The following ZNF536 variants were observed in gnomAD, a reference collection of about 807,000 sequenced individuals.
ZNF536 encodes the protein zinc finger protein 536.
Under a neutral mutation model 84.5 loss-of-function variants are expected in ZNF536, and 13 were observed. The observed-to-expected ratio is 0.15, with a 90% CI of 0.10 to 0.24. The LOEUF (loss-of-function observed/expected upper bound fraction) is 0.24, where lower values mean the gene tolerates loss of function less well. Among genes scored for constraint, ZNF536 ranks in the 10% least tolerant of loss-of-function variants. ZNF536 has a pLI of 1.00. For missense variants in ZNF536, 1,536 were observed against 1,747.5 expected (o/e 0.88, Z 2.16); for synonymous variants, 811 against 742.5 (o/e 1.09, Z -1.50).
intron 2 of ZNF536, among the ~76,000 whole-genome samples, chr19:30,457,048 A>C (rs1253087068): frequency 2.0e-5 from 3 of 149,862 alleles, no homozygotes; most frequent in African/African-American, 7.6e-5. Context: ...TCTCAAAAAA[A>C]AAAAAAAACA....
At chr19:30,364,163 A>G (rs1438119657) in intron 3 of ZNF536, among the ~76,000 whole-genome samples, 4 of 152,206 alleles carry the variant, frequency 2.6e-5, no homozygotes, top group Non-Finnish European at 5.9e-5. Flanking sequence ...TCACTGGGAT[A>G]TAGCCAAGAA....
At chr19:30,415,135 C>A (rs1353872378) in intron 1 of ZNF536, among the ~76,000 whole-genome samples, 1 of 146,264 alleles carries the variant, frequency 6.8e-6, no homozygotes, top group Non-Finnish European at 1.5e-5. Flanking sequence ...CCTCCTCCTC[C>A]TTTTCCTTCT....
At position 30,353,534 on chromosome 19, in the gene ZNF536, C is replaced by G. The variant is rs182706832; in HGVS notation, c.-3+1050C>G. 1.5e-4 allele frequency among the ~76,000 whole-genome samples: 23 copies of G among 152,280 alleles called. No individual in the cohort carries two copies. The East Asian group carries it at 4.2e-3, about 28-fold the overall frequency. On this transcript the variant is annotated intron_variant, in intron 3 of 5. Transcript: ENST00000585628. ...CCATCAGTGGATGAGCAGCCCCCCC[C>G]TGGCACCGGTGACTTCTCAGAGCAC...
chr19:30,581,909 GGT>G (rs913585301), intron 1 of ZNF536, among the ~76,000 whole-genome samples: 23 of 152,136 alleles, frequency 1.5e-4, no homozygotes, highest in African/African-American at 5.6e-4. Flanking sequence ...ACTCCAGCCT[GGT>G]GACAGAGCCA....
At chr19:30,428,236 G>A (rs1328874592) in intron 1 of ZNF536, among the ~76,000 whole-genome samples, 1 of 152,230 alleles carries the variant, frequency 6.6e-6, no homozygotes, top group Non-Finnish European at 1.5e-5. Context: ...TCAACATGCA[G>A]ATGGTGACAG....
intron 1 of ZNF536, among the ~76,000 whole-genome samples, chr19:30,388,181 G>A (rs1008195215): frequency 2.0e-5 from 3 of 152,182 alleles, no homozygotes; most frequent in South Asian, 2.1e-4. Flanking sequence ...CAGAATGAAC[G>A]GTGGCCTACT....
intron 1 of ZNF536, among the ~76,000 whole-genome samples, chr19:30,678,158 C>T (rs192163817): frequency 2.5e-4 from 38 of 152,294 alleles, no homozygotes; most frequent in African/African-American, 8.9e-4. Context: ...GCAAGAGAAG[C>T]AAGGGGGTGC....
At chr19:30,380,500 A>C (rs893858940) in intron 1 of ZNF536, among the ~76,000 whole-genome samples, 1 of 152,202 alleles carries the variant, frequency 6.6e-6, no homozygotes, top group African/African-American at 2.4e-5. Flanking sequence ...ATCAGTGGCC[A>C]AAAAAGAGGG....
intron 1 of ZNF536, among the ~76,000 whole-genome samples, chr19:30,647,633 C>T (rs1053305705): frequency 3.3e-5 from 5 of 152,204 alleles, no homozygotes; most frequent in African/African-American, 1.2e-4. Flanking sequence ...GTTGTCATCC[C>T]TCCTTCCAAT....
At chr19:30,400,115 C>A (rs2147487800) in intron 1 of ZNF536, among the ~76,000 whole-genome samples, 1 of 152,032 alleles carries the variant, frequency 6.6e-6, no homozygotes, top group South Asian at 2.1e-4. Flanking sequence ...CAATTCATTT[C>A]ACTATTCTCC....
chr19:30,302,078 G>C (rs1195511927), intron 2 of ZNF536, among the ~76,000 whole-genome samples: 2 of 92,830 alleles, frequency 2.2e-5, no homozygotes, highest in Non-Finnish European at 4.0e-5. Context: ...TATAATCACT[G>C]TTTGTATATA....
At chr19:30,447,961 A>G (rs1205923685) in intron 2 of ZNF536, among the ~76,000 whole-genome samples, 1 of 152,168 alleles carries the variant, frequency 6.6e-6, no homozygotes, top group Admixed American at 6.5e-5. Flanking sequence ...TGGCCAAGTG[A>G]TAGCCTCATG....
chr19:30,549,373 G>A lies in ZNF536; in HGVS notation c.3754G>A (p.Glu1252Lys), dbSNP rs1568544477. 1 of 1,599,038 alleles carries A rather than the reference G, an allele frequency of 6.3e-7. No homozygotes were observed. The highest frequency in any genetic ancestry group is 8.5e-7 in the Non-Finnish European group (1 of 1,172,220). Reference sequence around the variant, plus strand: ...CCCCTTGGCGGGCCTGCCAAAGCCGGAGCGGGGGCCCCAGAGCCTGGACAA... The same window carrying A: ...CCCCTTGGCGGGCCTGCCAAAGCCGAAGCGGGGGCCCCAGAGCCTGGACAA... The part of the protein sequence containing the change: ...QDPLAGLPKP[E>K]RGPQSLDKPM... The change falls in exon 4 of 5, where the codon GAG becomes AAG. Residue 1252 changes from glutamate (E) to lysine (K), a missense_variant. Coordinates refer to ENST00000355537, the MANE Select transcript of ZNF536 (RefSeq NM_014717.3).
At chr19:30,359,319 C>T (rs1430129601) in intron 3 of ZNF536, among the ~76,000 whole-genome samples, 1 of 152,182 alleles carries the variant, frequency 6.6e-6, no homozygotes, top group Non-Finnish European at 1.5e-5. Flanking sequence ...GCCAGTGCGG[C>T]CCTGAGCTGC....
At chr19:30,578,505 T>C (rs1221425247) in intron 1 of ZNF536, among the ~76,000 whole-genome samples, 1 of 152,248 alleles carries the variant, frequency 6.6e-6, no homozygotes, top group East Asian at 1.9e-4. Flanking sequence ...TGGCTGCATC[T>C]GAGCACGGAA....
chr19:30,627,747 T>C (rs988989602), intron 1 of ZNF536, among the ~76,000 whole-genome samples: 3 of 152,194 alleles, frequency 2.0e-5, no homozygotes, highest in African/African-American at 7.2e-5. Context: ...GGGAGGAATT[T>C]TCCTGCGTTG....
Position 30,424,943 on chromosome 19 carries a change from G to T in ZNF536, c.-2-18618G>T, listed in dbSNP as rs553397061. ...ACCCAACGCTTCTGGAAGAGCCCAA[G>T]CCAACGTATGGCTCAGGATCCCAGG... On this transcript the variant is annotated intron_variant, in intron 1 of 4. Transcript: ENST00000355537. 1.1e-3 allele frequency among the ~76,000 whole-genome samples: 172 copies of T among 152,282 alleles called. 2 individuals carry two copies. Among genetic ancestry groups the T allele is most frequent in the African/African-American group, 4.1e-3 (171 of 41,570 alleles).
intron 2 of ZNF536, among the ~76,000 whole-genome samples, chr19:30,459,950 G>A (rs2053056217): frequency 6.6e-6 from 1 of 152,164 alleles, no homozygotes; most frequent in Non-Finnish European, 1.5e-5. Flanking sequence ...CCACAGAGGA[G>A]CAGTGAGATT....
intron 1 of ZNF536, among the ~76,000 whole-genome samples, chr19:30,265,480 T>C (rs765789491): frequency 3.3e-5 from 5 of 152,150 alleles, no homozygotes; most frequent in Non-Finnish European, 5.9e-5. Flanking sequence ...CTCTTGTGTG[T>C]CCTACTGTGT....
Sources: allele counts gnomAD v4.1 joint callset (sites outside exome capture counted in the v4.1 genomes callset), GRCh38; gene constraint gnomAD v4.1.1; transcripts MANE v1.5; gene names NCBI Gene and HGNC (gene_info 2026-07-23, HGNC 2026-07-21).